ERAP1: variants seen among roughly 807,000 people sequenced by gnomAD.
ERAP1 encodes the protein adipocyte-derived leucine aminopeptidase.
Under a neutral mutation model 103.7 loss-of-function variants are expected in ERAP1, and 86 were observed. The observed-to-expected ratio is 0.83, with a 90% CI of 0.70 to 0.99. The LOEUF is 0.99. ERAP1 is among the 50% of genes least tolerant of loss of function. The probability of loss-of-function intolerance (pLI) is 0.00; values close to 1 mark genes in which losing one functional copy is unlikely to be tolerated. For synonymous variants in ERAP1, 398 were observed against 402.4 expected, an observed-to-expected ratio of 0.99 and a Z score of 0.13; for missense variants, 1,009 against 1,128.4, an observed-to-expected ratio of 0.89 and a Z score of 1.52.
At chr5:96,767,815 C>T (rs1053958046) in intron 19 of ERAP1, 1 of 744,912 alleles carries the variant, frequency 1.3e-6, no homozygotes, top group Non-Finnish European at 2.4e-6. Flanking sequence ...CTTATAGAAA[C>T]ATCTTTTATT....
At chr5:96,780,078 T>A (rs748324633) in intron 18 of ERAP1, among the ~76,000 whole-genome samples, 10 of 152,258 alleles carry the variant, frequency 6.6e-5, no homozygotes, top group African/African-American at 9.6e-5. Context: ...ATTCCGGACC[T>A]GCCTCTTTAG....
the ERAP1 span, among the ~76,000 whole-genome samples, chr5:96,897,913 A>G: frequency 1.2e-4 from 18 of 152,300 alleles, no homozygotes; most frequent in African/African-American, 4.3e-4. Context: ...AGACACTTTC[A>G]TGGCCGGGTA....
chr5:96,909,484 G>C, the ERAP1 span: 1 of 912,228 alleles, frequency 1.1e-6, no homozygotes. Context: ...GATTGGGAAA[G>C]ATGCAGAAAG....
chr5:96,895,165 T>C, the ERAP1 span: 2 of 772,626 alleles, frequency 2.6e-6, no homozygotes, highest in Non-Finnish European at 2.1e-6. Flanking sequence ...AAAAAAAAAG[T>C]TAGTAACTAT....
chr5:96,887,098 TATACAC>T, the ERAP1 span, among the ~76,000 whole-genome samples: 536 of 99,682 alleles, frequency 5.4e-3, 7 homozygotes, highest in African/African-American at 0.017. Flanking sequence ...TATATATATA[TATACAC>T]ACACACACAC....
At chr5:96,836,446 C>T in the ERAP1 span, among the ~76,000 whole-genome samples, 1 of 152,140 alleles carries the variant, frequency 6.6e-6, no homozygotes, top group African/African-American at 2.4e-5. Context: ...AAGTGATCCC[C>T]CCACTTCAGC....
the ERAP1 span, chr5:96,903,330 A>G: frequency 1.4e-6 from 2 of 1,442,970 alleles, no homozygotes; most frequent in African/African-American, 1.4e-5. Flanking sequence ...GATGTTCTGA[A>G]TAAGTTTGTT....
At chr5:96,917,545 T>C in the ERAP1 span, 1 of 1,613,938 alleles carries the variant, frequency 6.2e-7, no homozygotes, top group Non-Finnish European at 8.5e-7. Context: ...TAACCAAAAA[T>C]ATAAAATGGC....
At chr5:96,776,895 A>G (rs967763413) in intron 18 of ERAP1, 7 of 236,644 alleles carry the variant, frequency 3.0e-5, no homozygotes, top group African/African-American at 1.6e-4. Context: ...TAAAAACATG[A>G]TATCTAAAAA....
the ERAP1 span, chr5:96,900,367 T>A: frequency 1.5e-5 from 14 of 939,750 alleles, no homozygotes; most frequent in Non-Finnish European, 2.1e-5. Flanking sequence ...AGGGGGACAA[T>A]GCTGTTGCTA....
intron 17 of ERAP1, 49 bp from the exon 18 acceptor site, chr5:96,780,553 A>G (rs371708153): frequency 2.1e-6 from 3 of 1,437,350 alleles, no homozygotes; most frequent in Non-Finnish European, 2.9e-6. Flanking sequence ...TTATTCATTT[A>G]ACATATATTT....
the ERAP1 span, among the ~76,000 whole-genome samples, chr5:96,911,129 A>G: frequency 6.6e-6 from 1 of 152,236 alleles, no homozygotes; most frequent in Admixed American, 6.5e-5. Flanking sequence ...CAAATGGCAA[A>G]TTATGTCATC....
chr5:96,816,692 G>T, the ERAP1 span, among the ~76,000 whole-genome samples: 1 of 152,144 alleles, frequency 6.6e-6, no homozygotes, highest in African/African-American at 2.4e-5. Context: ...AGTACCCCAG[G>T]AGGGAATTTT....
chr5:96,903,649 C>A, the ERAP1 span: 1 of 1,210,132 alleles, frequency 8.3e-7, no homozygotes, highest in Non-Finnish European at 1.1e-6. Flanking sequence ...CAACATTGGT[C>A]ATTGATTTAA....
chr5:96,785,683 C>G, intron 13 of ERAP1, 105 bp downstream of exon 13: 3 of 1,297,034 alleles, frequency 2.3e-6, no homozygotes, highest in Non-Finnish European at 1.1e-6. Flanking sequence ...AAACACCTTT[C>G]AACTTCTTGT....
the ERAP1 span, chr5:96,896,965 T>TAAGTCATATGTTGGGTAACGATATACTG: frequency 3.0e-6 from 3 of 987,684 alleles, no homozygotes; most frequent in Non-Finnish European, 4.2e-6. Context: ...GTCAACCATA[T>TAAGTCATATGTTGGGTAACGATATACTG]TTATTCTGCT....
chr5:96,864,908 T>A, the ERAP1 span, among the ~76,000 whole-genome samples: 2 of 152,120 alleles, frequency 1.3e-5, no homozygotes, highest in African/African-American at 4.8e-5. Flanking sequence ...TCAGTAAAAA[T>A]CTTATGGATA....
chr5:96,807,982 C>A (rs1462808945), upstream of ERAP1: 3 of 985,618 alleles, frequency 3.0e-6, no homozygotes, highest in Admixed American at 1.2e-4. Flanking sequence ...CTGAGCGGCG[C>A]TTCGGCCCGA....
chr5:96,869,946 A>G, the ERAP1 span, among the ~76,000 whole-genome samples: 2 of 152,256 alleles, frequency 1.3e-5, no homozygotes, highest in African/African-American at 4.8e-5. Context: ...GTAAACACAG[A>G]CAAAATAGAA....
Sources: gnomAD v4.1 joint callset for allele counts (sites outside exome capture counted in the v4.1 genomes callset) on GRCh38, gnomAD v4.1.1 for gene constraint, MANE v1.5 for transcripts, NCBI Gene and HGNC (gene_info 2026-07-23, HGNC 2026-07-21) for gene names.